Variants in GRAMD1B observed in about 807,000 individuals in gnomAD.
GRAMD1B encodes GRAM domain containing 1B.
GRAMD1B carries 37 observed loss-of-function variants against 99.7 expected under a neutral mutation model. The observed-to-expected ratio is 0.37, with a 90% CI of 0.29 to 0.49. GRAMD1B has a LOEUF of 0.49. GRAMD1B is among the 20% of genes least tolerant of loss of function. The pLI, the probability that GRAMD1B is intolerant of heterozygous loss-of-function variation, is 0.98. For synonymous variants in GRAMD1B, 427 were observed against 387.6 expected (o/e 1.10, Z -1.19); for missense variants, 888 against 1,009.2 (o/e 0.88, Z 1.63).
At position 123,492,865 on chromosome 11, in the gene GRAMD1B, TAC is replaced by T. The variant is rs58113764; in HGVS notation, c.452+12001_452+12002del. ...TCTCTCTGTCTCTCTCTTTCACACA[TAC>T]ACACACACACACACACACACACACA... On this transcript the variant is annotated intron_variant, in intron 2 of 19. Transcript: ENST00000635736. This position sits in a 1 kb window ranked among gnomAD's most constrained non-coding sequence, Gnocchi z 4.2. Among the ~76,000 whole-genome samples the T allele has an allele frequency of 0.059, 8,675 of 147,820 alleles. 265 individuals are homozygous for T. The highest frequency in any genetic ancestry group is 0.064 in the Non-Finnish European group (4,272 of 66,836).
At chr11:123,380,875 A>G (rs973310200) in intron 1 of GRAMD1B, among the ~76,000 whole-genome samples, 1 of 152,108 alleles carries the variant, frequency 6.6e-6, no homozygotes, top group Admixed American at 6.5e-5. Flanking sequence ...TTTTTTATGT[A>G]TCAGGATAAT....
At chr11:123,526,608 G>A (rs1942789381) in intron 2 of GRAMD1B, among the ~76,000 whole-genome samples, 1 of 152,156 alleles carries the variant, frequency 6.6e-6, no homozygotes, top group Non-Finnish European at 1.5e-5. Flanking sequence ...GGTGTGCGGG[G>A]GGCCTTTCTC....
chr11:123,577,961 A>G lies in GRAMD1B; in HGVS notation c.663+384A>G, dbSNP rs147111389. On this transcript the variant is annotated intron_variant, in intron 3 of 19. Coordinates refer to ENST00000635736, the MANE Select transcript of GRAMD1B (RefSeq NM_001387025.1). ...TACTGCTAGGGAGAGTCCTCAGGGA[A>G]CCTTGCAGAATGCTATTTTTAACCT... Among the ~76,000 whole-genome samples the G allele has an allele frequency of 2.9e-3, 435 of 151,964 alleles. 2 individuals carry two copies. Among genetic ancestry groups the G allele is most frequent in the African/African-American group, 9.4e-3 (390 of 41,430 alleles).
chr11:123,425,921 G>T (rs538042162), upstream of GRAMD1B, among the ~76,000 whole-genome samples: 49 of 152,310 alleles, frequency 3.2e-4, no homozygotes, highest in African/African-American at 1.1e-3. Context: ...ATGGGGAGGA[G>T]TTTAAGTTAT....
intron 2 of GRAMD1B, among the ~76,000 whole-genome samples, chr11:123,566,617 T>C (rs1300984525): frequency 2.0e-5 from 3 of 152,074 alleles, no homozygotes; most frequent in African/African-American, 7.2e-5. Context: ...ATACAAAAAA[T>C]TAGCCACGCG....
chr11:123,376,072 G>C (rs1474486821), intron 1 of GRAMD1B, among the ~76,000 whole-genome samples: 1 of 151,606 alleles, frequency 6.6e-6, no homozygotes, highest in Non-Finnish European at 1.5e-5. Context: ...TTCTGGCTCT[G>C]ACCTTTCTTC....
At chr11:123,516,032 G>T (rs1406034485) in intron 2 of GRAMD1B, among the ~76,000 whole-genome samples, 1 of 152,198 alleles carries the variant, frequency 6.6e-6, no homozygotes, top group Non-Finnish European at 1.5e-5. Flanking sequence ...GCCTCCCAAA[G>T]TGCCAAGATT....
intron 4 of GRAMD1B, among the ~76,000 whole-genome samples, chr11:123,584,625 G>A (rs1364399010): frequency 1.3e-5 from 2 of 152,018 alleles, no homozygotes; most frequent in African/African-American, 4.8e-5. Flanking sequence ...AGTCAGGGAG[G>A]GAGTGGCCAT....
intron 2 of GRAMD1B, among the ~76,000 whole-genome samples, chr11:123,509,012 C>T (rs967302921): frequency 2.6e-5 from 4 of 152,110 alleles, no homozygotes; most frequent in Admixed American, 6.5e-5. Flanking sequence ...TTATGTTTTA[C>T]TTTATCTAAC....
At chr11:123,620,931 A>G (rs1202864501) in intron 19 of GRAMD1B, among the ~76,000 whole-genome samples, 1 of 152,230 alleles carries the variant, frequency 6.6e-6, no homozygotes, top group Non-Finnish European at 1.5e-5. Flanking sequence ...AAGAACTTAT[A>G]GATTAAATTG....
At chr11:123,493,960 C>T (rs1314046836) in intron 2 of GRAMD1B, among the ~76,000 whole-genome samples, 1 of 152,154 alleles carries the variant, frequency 6.6e-6, no homozygotes, top group Admixed American at 6.5e-5. Context: ...TAGGGTTTCT[C>T]TCCCTCACTT....
intron 2 of GRAMD1B, among the ~76,000 whole-genome samples, chr11:123,549,806 A>G (rs1380508061): frequency 6.6e-6 from 1 of 152,132 alleles, no homozygotes; most frequent in Non-Finnish European, 1.5e-5. Flanking sequence ...TTAAGAGTCA[A>G]GTGTATATTG....
At chr11:123,573,166 G>C (rs1265548694) in intron 2 of GRAMD1B, among the ~76,000 whole-genome samples, 1 of 151,886 alleles carries the variant, frequency 6.6e-6, no homozygotes, top group East Asian at 1.9e-4. Context: ...GATGGCTGGG[G>C]CAGGAGCTCA....
At chr11:123,523,414 A>G (rs1052460623) in intron 2 of GRAMD1B, among the ~76,000 whole-genome samples, 2 of 152,176 alleles carry the variant, frequency 1.3e-5, no homozygotes, top group Non-Finnish European at 2.9e-5. Flanking sequence ...GCCTTATAAC[A>G]TGGATGTGAA....
chr11:123,502,344 C>T (rs1228334689), intron 2 of GRAMD1B, among the ~76,000 whole-genome samples: 5 of 152,192 alleles, frequency 3.3e-5, no homozygotes, highest in African/African-American at 1.2e-4. Context: ...GTGCATGTCC[C>T]ATTTACAGTG....
chr11:123,594,598 A>C (rs2136564726), intron 5 of GRAMD1B, 137 bp from the exon 6 acceptor site: 1 of 628,992 alleles, frequency 1.6e-6, no homozygotes, highest in Non-Finnish European at 2.9e-6. Flanking sequence ...CTGCTAGTTC[A>C]AGTGTCTGGC....
chr11:123,362,607 C>T (rs1048788345), intron 1 of GRAMD1B, among the ~76,000 whole-genome samples: 12 of 152,250 alleles, frequency 7.9e-5, no homozygotes, highest in African/African-American at 2.6e-4. Context: ...ACTCTCCCAC[C>T]CCATGAGTTG....
chr11:123,498,132 G>A (rs1939504930), intron 2 of GRAMD1B, among the ~76,000 whole-genome samples: 1 of 152,176 alleles, frequency 6.6e-6, no homozygotes, highest in African/African-American at 2.4e-5. Flanking sequence ...CTTCAGGGCA[G>A]TGAGCTCCCC....
intron 2 of GRAMD1B, among the ~76,000 whole-genome samples, chr11:123,568,515 G>A (rs1273467264): frequency 6.6e-6 from 1 of 152,238 alleles, no homozygotes; most frequent in Admixed American, 6.5e-5. Context: ...GAGGAGAGGG[G>A]ACAAGAGGTT....
Sources: allele counts gnomAD v4.1 joint callset (sites outside exome capture counted in the v4.1 genomes callset), GRCh38; gene constraint gnomAD v4.1.1; non-coding constraint Gnocchi (gnomAD v3.1); transcripts MANE v1.5; gene names NCBI Gene and HGNC (gene_info 2026-07-23, HGNC 2026-07-21).